The following TMEM217 variants were observed in gnomAD, a reference collection of about 807,000 sequenced individuals.
TMEM217 encodes chromosome 6 open reading frame 128.
For missense variants in TMEM217, 204 were observed against 248.8 expected, an observed-to-expected ratio of 0.82 and a Z score of 1.21; for synonymous variants, 76 against 88.3, an observed-to-expected ratio of 0.86 and a Z score of 0.78.
chr6:37,245,240 AT>A (rs1764990894), intron 1 of TMEM217, among the ~76,000 whole-genome samples: 1 of 151,718 alleles, frequency 6.6e-6, no homozygotes, highest in Non-Finnish European at 1.5e-5. Flanking sequence ...TAGCCCCAAC[AT>A]CATAACACAG....
At chr6:37,219,752 G>C (rs1763408530) in intron 1 of TMEM217, among the ~76,000 whole-genome samples, 1 of 151,996 alleles carries the variant, frequency 6.6e-6, no homozygotes, top group South Asian at 2.1e-4. Flanking sequence ...AAATTATGCT[G>C]TTAACTCTCC....
chr6:37,219,601 G>A (rs1160122844), intron 1 of TMEM217, among the ~76,000 whole-genome samples: 1 of 152,062 alleles, frequency 6.6e-6, no homozygotes, highest in Non-Finnish European at 1.5e-5. Flanking sequence ...GTGTGGTGGT[G>A]CATGCCTGTA....
intron 1 of TMEM217, among the ~76,000 whole-genome samples, chr6:37,221,297 G>T (rs908032633): frequency 2.0e-5 from 3 of 151,326 alleles, no homozygotes; most frequent in Non-Finnish European, 4.4e-5. Context: ...AGCGATTCTC[G>T]TGCCTCAGCC....
intron 1 of TMEM217, among the ~76,000 whole-genome samples, chr6:37,219,637 T>C (rs928870234): frequency 9.2e-5 from 14 of 151,848 alleles, no homozygotes; most frequent in African/African-American, 3.1e-4. Flanking sequence ...GAGGCTGAAG[T>C]AGGAGGATCA....
intron 1 of TMEM217, among the ~76,000 whole-genome samples, chr6:37,256,850 G>A (rs2113950997): frequency 6.6e-6 from 1 of 152,146 alleles, no homozygotes; most frequent in African/African-American, 2.4e-5. Context: ...AATCACCACG[G>A]AATACAACCA....
At chr6:37,237,868 C>T (rs1204745590) in intron 1 of TMEM217, among the ~76,000 whole-genome samples, 3 of 152,070 alleles carry the variant, frequency 2.0e-5, no homozygotes, top group Admixed American at 1.3e-4. Context: ...CAAGAAAACT[C>T]TAAAACTGTA....
chr6:37,217,708 T>C, exon 2 of TMEM217: 7 of 985,388 alleles, frequency 7.1e-6, no homozygotes, highest in Non-Finnish European at 8.4e-6. Context: ...GGGGAAATCA[T>C]AGCACAAACC....
intron 1 of TMEM217, among the ~76,000 whole-genome samples, chr6:37,240,237 G>T (rs1352216781): frequency 6.6e-6 from 1 of 152,204 alleles, no homozygotes; most frequent in East Asian, 1.9e-4. Flanking sequence ...TCCAAGAGTA[G>T]CGTAGGTGGG....
exon 2 of TMEM217, chr6:37,217,986 T>C (rs542303445): frequency 1.0e-6 from 1 of 989,798 alleles, no homozygotes; most frequent in South Asian, 4.6e-5. Context: ...GTTGTGATTA[T>C]AATCACATTT....
chr6:37,235,382 T>C (rs1199237645), intron 1 of TMEM217, among the ~76,000 whole-genome samples: 2 of 152,192 alleles, frequency 1.3e-5, no homozygotes, highest in Non-Finnish European at 2.9e-5. Flanking sequence ...TTATTTTTTT[T>C]TGAGACAGAG....
chr6:37,245,698 G>GAGGAGGAGGAGGAGGAAGAGC (rs1234627395), intron 1 of TMEM217, among the ~76,000 whole-genome samples: 1 of 151,716 alleles, frequency 6.6e-6, no homozygotes, highest in Non-Finnish European at 1.5e-5. Context: ...GGAGGAGCAG[G>GAGGAGGAGGAGGAGGAAGAGC]AGGAGGAGGA....
chr6:37,235,000 C>T (rs1191039260), intron 1 of TMEM217, among the ~76,000 whole-genome samples: 1 of 151,842 alleles, frequency 6.6e-6, no homozygotes, highest in African/African-American at 2.4e-5. Context: ...TAAATAAATC[C>T]CACTGGCTAC....
rs371620954 is a variant in TMEM217 at position 37,238,113 on chromosome 6, C to A, written c.-11-19072G>T. 4.0e-5 allele frequency among the ~76,000 whole-genome samples: 6 copies of A among 151,024 alleles called. No individual in the cohort carries two copies. In the South Asian group the frequency reaches 6.3e-4, roughly 16 times the overall value. On this transcript the variant is annotated intron_variant, in intron 1 of 1. Transcript: ENST00000357219. ...TGGACCAATGAGGGTATGTCATGAACCAGGGATTATGATCAATCTAATTGT... is the reference window on the plus strand; with the variant it reads ...TGGACCAATGAGGGTATGTCATGAAACAGGGATTATGATCAATCTAATTGT...
chr6:37,224,826 C>T (rs949145923), intron 1 of TMEM217, among the ~76,000 whole-genome samples: 1 of 151,890 alleles, frequency 6.6e-6, no homozygotes, highest in African/African-American at 2.4e-5. Flanking sequence ...CAAAACCAAG[C>T]AAAATTTAAG....
intron 1 of TMEM217, among the ~76,000 whole-genome samples, chr6:37,239,008 T>C (rs572435942): frequency 1.3e-5 from 2 of 152,194 alleles, no homozygotes; most frequent in South Asian, 4.2e-4. Flanking sequence ...CACATGCCTG[T>C]AATCCCAGCT....
rs116394719 is a variant in TMEM217, at chr6:37,241,335, C to T, written c.-12+16233G>A. On this transcript the variant is annotated intron_variant, in intron 1 of 1. Transcript: ENST00000357219. ...CAAAGAAAAAAAAGGTGGCTGTCTA[C>T]GTGGTGGGGAATATGAAGACCCTTC... 2.7e-3 allele frequency among the ~76,000 whole-genome samples: 413 copies of T among 151,940 alleles called. 1 individual carries two copies. Among genetic ancestry groups the T allele is most frequent in the Non-Finnish European group, 5.0e-3 (340 of 67,972 alleles).
downstream of TMEM217, chr6:37,215,059 AC>A: frequency 9.2e-7 from 1 of 1,082,436 alleles, no homozygotes; most frequent in Non-Finnish European, 1.3e-6. Context: ...TATAAAGCCC[AC>A]TGGTTCCACA....
At chr6:37,245,753 A>G (rs139243069) in intron 1 of TMEM217, among the ~76,000 whole-genome samples, 1 of 151,882 alleles carries the variant, frequency 6.6e-6, no homozygotes, top group Non-Finnish European at 1.5e-5. Flanking sequence ...GAGATGGAGG[A>G]GGAGATCTAC....
chr6:37,247,489 G>A (rs574999462), intron 1 of TMEM217, among the ~76,000 whole-genome samples: 1 of 151,550 alleles, frequency 6.6e-6, no homozygotes, highest in Admixed American at 6.6e-5. Context: ...CCGGGTTAAA[G>A]CAATTCTACT....
Sources: gnomAD v4.1 joint callset for allele counts (sites outside exome capture counted in the v4.1 genomes callset) on GRCh38, gnomAD v4.1.1 for gene constraint, MANE v1.5 for transcripts, NCBI Gene and HGNC (gene_info 2026-07-23, HGNC 2026-07-21) for gene names.